CADM2: variants seen among roughly 807,000 people sequenced by gnomAD.
CADM2 encodes the protein cell adhesion molecule 2, also known as immunoglobulin superfamily member 4D.
A neutral mutation model predicts 49.8 loss-of-function variants in CADM2; 12 were observed. The ratio of observed to expected loss-of-function variants is 0.24; its 90% confidence interval spans 0.15 to 0.39. The LOEUF (loss-of-function observed/expected upper bound fraction) is 0.39, where lower values mean the gene tolerates loss of function less well. Ranked by LOEUF, CADM2 falls within the 10% of genes least tolerant of loss-of-function variation. The pLI is 1.00. For synonymous variants in CADM2, 214 were observed against 175.4 expected, an observed-to-expected ratio of 1.22 and a Z score of -1.74; for missense variants, 378 against 492.3, an observed-to-expected ratio of 0.77 and a Z score of 2.20.
At chr3:85,568,265 A>G (rs960085149) in intron 1 of CADM2, among the ~76,000 whole-genome samples, 5 of 152,162 alleles carry the variant, frequency 3.3e-5, no homozygotes, top group African/African-American at 1.2e-4. Context: ...GAAGTGGTAC[A>G]CAAGAAATGC....
intron 1 of CADM2, among the ~76,000 whole-genome samples, chr3:85,561,694 C>T (rs1446809110): frequency 2.6e-5 from 4 of 152,010 alleles, no homozygotes; most frequent in Admixed American, 6.6e-5. Context: ...AGGATGTGGC[C>T]GTGAACAAAA....
chr3:85,883,699 A>G (rs1713149823), intron 4 of CADM2, among the ~76,000 whole-genome samples: 1 of 152,200 alleles, frequency 6.6e-6, no homozygotes, highest in Non-Finnish European at 1.5e-5. Flanking sequence ...TTAGCCAGCA[A>G]TAGACACCGG....
intron 5 of CADM2, among the ~76,000 whole-genome samples, chr3:85,902,905 C>A (rs1425757137): frequency 6.6e-6 from 1 of 151,662 alleles, no homozygotes; most frequent in African/African-American, 2.4e-5. Flanking sequence ...AAAAACACAA[C>A]AATACATGAT....
intron 1 of CADM2, among the ~76,000 whole-genome samples, chr3:85,553,191 A>G (rs763021145): frequency 1.9e-4 from 29 of 152,154 alleles, no homozygotes; most frequent in Non-Finnish European, 2.8e-4. Context: ...TCCATCTAAA[A>G]CAGGGAATTG....
chr3:85,913,293 A>G (rs1193506704), intron 6 of CADM2, among the ~76,000 whole-genome samples: 1 of 152,014 alleles, frequency 6.6e-6, no homozygotes, highest in Non-Finnish European at 1.5e-5. Flanking sequence ...ACTAATCAAA[A>G]TGAAAATGAA....
intron 1 of CADM2, among the ~76,000 whole-genome samples, chr3:85,037,810 G>A (rs1410394358): frequency 6.6e-6 from 1 of 152,066 alleles, no homozygotes; most frequent in Non-Finnish European, 1.5e-5. Flanking sequence ...TCAAGCTAGA[G>A]GTGAATATTA....
In CADM2 at chr3:85,752,472, GCACACACACACA is replaced by G. The variant is rs3044028; in HGVS notation, c.88+25942_88+25953del. 3.4e-5 allele frequency among the ~76,000 whole-genome samples: 5 copies of G among 147,800 alleles called. 1 individual carries two copies. The highest frequency in any genetic ancestry group is 6.0e-5 in the Non-Finnish European group (4 of 67,066). ...CTCCTTATGTCTCATATGTGTGCGTGCACACACACACACACACACACACACACACTAAGTTGA... is the reference window on the plus strand; with the variant it reads ...CTCCTTATGTCTCATATGTGTGCGTGCACACACACACACACACTAAGTTGA... On this transcript the variant is annotated intron_variant, in intron 2 of 9. Transcript: ENST00000383699.
intron 1 of CADM2, among the ~76,000 whole-genome samples, chr3:85,205,719 A>G (rs563094817): frequency 3.0e-4 from 45 of 152,250 alleles, no homozygotes; most frequent in South Asian, 8.3e-4. Context: ...TCCTATTACA[A>G]TATATTTGTA....
Position 85,675,405 on chromosome 3 carries a change from T to C in CADM2, c.62-51117T>C, listed in dbSNP as rs537865880. On this transcript the variant is annotated intron_variant, in intron 1 of 9. Transcript: ENST00000383699. ...AATGTAGCTATTCTGTTTCAGAAAATGATATTGTTGTTCAATTTTTAAGGA... is the reference window on the plus strand; with the variant it reads ...AATGTAGCTATTCTGTTTCAGAAAACGATATTGTTGTTCAATTTTTAAGGA... Among the ~76,000 whole-genome samples, 179 of 152,276 alleles carry C rather than the reference T, an allele frequency of 1.2e-3. 1 individual carries two copies. Among genetic ancestry groups the C allele is most frequent in the African/African-American group, 4.0e-3 (167 of 41,570 alleles).
chr3:85,728,540 G>GA (rs1018928855), intron 2 of CADM2, among the ~76,000 whole-genome samples: 44 of 144,304 alleles, frequency 3.0e-4, no homozygotes, highest in South Asian at 4.3e-4. Context: ...TCTTCAAACA[G>GA]AAAAAAAAAA....
chr3:85,409,186 C>A (rs928538899), intron 1 of CADM2, among the ~76,000 whole-genome samples: 1 of 152,130 alleles, frequency 6.6e-6, no homozygotes, highest in Non-Finnish European at 1.5e-5. Context: ...TTAAACCTAT[C>A]TCTTCTTTCC....
intron 1 of CADM2, among the ~76,000 whole-genome samples, chr3:85,482,124 T>G (rs1341307767): frequency 6.6e-6 from 1 of 151,762 alleles, no homozygotes; most frequent in Non-Finnish European, 1.5e-5. Flanking sequence ...AAATTTGCCT[T>G]TATTCCTAGG....
At chr3:85,971,845 T>G (rs1043986030) in intron 8 of CADM2, among the ~76,000 whole-genome samples, 3 of 151,720 alleles carry the variant, frequency 2.0e-5, no homozygotes, top group Non-Finnish European at 4.4e-5. Flanking sequence ...TTTCTTGTAA[T>G]TACATAGAAC....
At position 85,869,712 on chromosome 3, in the gene CADM2, G is replaced by T. The variant is rs150545364; in HGVS notation, c.239-13579G>T. Reference sequence around the variant, plus strand: ...CTCACTCTGTCTATCAGGCTGGAGTGCAGTGGCGCGATCTCGGCTCACGGC... The same window carrying T: ...CTCACTCTGTCTATCAGGCTGGAGTTCAGTGGCGCGATCTCGGCTCACGGC... On this transcript the variant is annotated intron_variant, in intron 3 of 9. Transcript: ENST00000383699. Among the ~76,000 whole-genome samples the T allele has an allele frequency of 2.8e-3, 422 of 152,192 alleles. 1 individual carries two copies. The highest frequency in any genetic ancestry group is 9.8e-3 in the African/African-American group (406 of 41,522).
chr3:85,783,025 A>G (rs980905582), intron 2 of CADM2, among the ~76,000 whole-genome samples: 1 of 152,186 alleles, frequency 6.6e-6, no homozygotes, highest in African/African-American at 2.4e-5. Context: ...TTATCAAAAC[A>G]GGGCCCAATA....
rs552323383 is a variant in CADM2 at position 84,964,019 on chromosome 3, GT to G, written c.61+4354del. Among the ~76,000 whole-genome samples, 22 of 152,120 alleles carry G rather than the reference GT, an allele frequency of 1.4e-4. 1 individual carries two copies. Among genetic ancestry groups the G allele is most frequent in the Non-Finnish European group, 2.6e-4 (18 of 67,998 alleles). ...AAGAAAATCTTTGCAAATATAAGGA[GT>G]TTCTAGACTAGTTTTATATCAAGAT... On this transcript the variant is annotated intron_variant, in intron 1 of 9. Coordinates refer to ENST00000383699, the MANE Select transcript of CADM2 (RefSeq NM_001167675.2).
chr3:85,103,514 G>T lies in CADM2; in HGVS notation c.61+143846G>T, dbSNP rs138348843. 2.9e-3 allele frequency among the ~76,000 whole-genome samples: 439 copies of T among 152,084 alleles called. 2 individuals are homozygous for T. The highest frequency in any genetic ancestry group is 0.01 in the African/African-American group (421 of 41,516). Reference sequence around the variant, plus strand: ...TTACAATACTATGTATAAGAAAATGGCATGTTCACAAATAAGAAAAACTTA... The same window carrying T: ...TTACAATACTATGTATAAGAAAATGTCATGTTCACAAATAAGAAAAACTTA... On this transcript the variant is annotated intron_variant, in intron 1 of 9. Coordinates refer to ENST00000383699, the MANE Select transcript of CADM2 (RefSeq NM_001167675.2).
intron 1 of CADM2, among the ~76,000 whole-genome samples, chr3:85,486,965 G>A (rs1192309233): frequency 6.6e-6 from 1 of 151,558 alleles, no homozygotes; most frequent in Non-Finnish European, 1.5e-5. Flanking sequence ...AATCACAGTG[G>A]GCCATCTCTT....
intron 1 of CADM2, among the ~76,000 whole-genome samples, chr3:85,639,751 A>G (rs1435910540): frequency 6.6e-6 from 1 of 152,154 alleles, no homozygotes; most frequent in East Asian, 1.9e-4. Context: ...GAAGGAAGAA[A>G]GTTTCAGGGC....
Sources: gnomAD v4.1 joint callset for allele counts (sites outside exome capture counted in the v4.1 genomes callset) on GRCh38, gnomAD v4.1.1 for gene constraint, MANE v1.5 for transcripts, NCBI Gene and HGNC (gene_info 2026-07-23, HGNC 2026-07-21) for gene names.